Variants in POU2F3 observed in about 807,000 individuals in gnomAD.
POU2F3 encodes POU domain, class 2, transcription factor 3.
Under a neutral mutation model 59.2 loss-of-function variants are expected in POU2F3, and 23 were observed. The observed-to-expected ratio is 0.39, with a 90% CI of 0.28 to 0.55. The LOEUF (loss-of-function observed/expected upper bound fraction) is 0.55, where lower values mean the gene tolerates loss of function less well. POU2F3 is among the 20% of genes least tolerant of loss of function. The pLI is 0.66. For synonymous variants in POU2F3, 190 were observed against 214.6 expected (o/e 0.89, Z 1.00); for missense variants, 473 against 544.5 (o/e 0.87, Z 1.31).
At chr11:120,236,817 A>C, upstream of POU2F3, 9 of 1,119,982 alleles carry the variant, frequency 8.0e-6, no homozygotes, top group Non-Finnish European at 1.0e-5. Context: ...TCAACCCTAT[A>C]CACAGGTGGG....
At chr11:120,280,736 A>T (rs1486061496) in intron 3 of POU2F3, among the ~76,000 whole-genome samples, 1 of 152,146 alleles carries the variant, frequency 6.6e-6, no homozygotes, top group Non-Finnish European at 1.5e-5. Context: ...GTACTTTTCC[A>T]TGTTTCCAAA....
At chr11:120,318,035 TGCATA>T (rs1941832894) in intron 12 of POU2F3, among the ~76,000 whole-genome samples, 1 of 152,184 alleles carries the variant, frequency 6.6e-6, no homozygotes, top group African/African-American at 2.4e-5. Context: ...GGCCAATTGT[TGCATA>T]GCCCGAAACG....
intron 2 of POU2F3, among the ~76,000 whole-genome samples, chr11:120,258,504 C>T (rs1565359617): frequency 6.6e-6 from 1 of 152,208 alleles, no homozygotes; most frequent in East Asian, 1.9e-4. Flanking sequence ...ATGGTGGGTC[C>T]AGAGCAAGGA....
chr11:120,272,366 G>A (rs553661058), intron 3 of POU2F3, among the ~76,000 whole-genome samples: 11 of 152,312 alleles, frequency 7.2e-5, no homozygotes, highest in African/African-American at 2.6e-4. Context: ...CCTGCTCCCT[G>A]TATCCACACA....
chr11:120,307,899 G>T (rs1941543505), intron 9 of POU2F3, among the ~76,000 whole-genome samples: 1 of 152,204 alleles, frequency 6.6e-6, no homozygotes, highest in Non-Finnish European at 1.5e-5. Context: ...ATGGGCTATA[G>T]GGTCCCAGAA....
At chr11:120,316,011 T>C (rs1171078875) in intron 11 of POU2F3, among the ~76,000 whole-genome samples, 1 of 152,122 alleles carries the variant, frequency 6.6e-6, no homozygotes, top group African/African-American at 2.4e-5. Context: ...TAACTGGGAT[T>C]ACAGGCGTGT....
At chr11:120,278,313 A>G (rs753895360) in intron 3 of POU2F3, among the ~76,000 whole-genome samples, 3 of 152,132 alleles carry the variant, frequency 2.0e-5, no homozygotes, top group Non-Finnish European at 4.4e-5. Flanking sequence ...CCTCAGCCCA[A>G]TAAATGCAAA....
chr11:120,253,945 C>T (rs1389946259), intron 2 of POU2F3, among the ~76,000 whole-genome samples: 1 of 152,118 alleles, frequency 6.6e-6, no homozygotes, highest in African/African-American at 2.4e-5. Context: ...CCCAGTCTGT[C>T]CTTTGCTGAC....
In POU2F3 at chr11:120,312,113, A is replaced by T. The variant is rs537190085; in HGVS notation, c.1068+2527A>T. 2.7e-3 allele frequency among the ~76,000 whole-genome samples: 409 copies of T among 152,218 alleles called. 1 individual carries two copies. The highest frequency in any genetic ancestry group is 9.2e-3 in the African/African-American group (382 of 41,540). On this transcript the variant is annotated intron_variant, in intron 10 of 12. Coordinates refer to ENST00000543440, the MANE Select transcript of POU2F3 (RefSeq NM_014352.4). ...CCTGTGAGAAGGCATGGAATTTTTT[A>T]AATTTTTTATTTATTTTTATTTTTT... is the stretch of plus-strand genomic sequence containing the variant.
chr11:120,247,824 GC>G (rs1278249493), intron 2 of POU2F3, among the ~76,000 whole-genome samples: 1 of 152,236 alleles, frequency 6.6e-6, no homozygotes, highest in Non-Finnish European at 1.5e-5. Flanking sequence ...AGGCTGGATT[GC>G]CCTTTTCTGG....
intron 3 of POU2F3, among the ~76,000 whole-genome samples, chr11:120,275,415 C>A (rs987704092): frequency 1.3e-5 from 2 of 152,040 alleles, no homozygotes; most frequent in Non-Finnish European, 2.9e-5. Context: ...GCTCTTTGGG[C>A]CACCAGCTAA....
intron 3 of POU2F3, among the ~76,000 whole-genome samples, chr11:120,272,093 A>C (rs1166360055): frequency 6.6e-6 from 1 of 152,180 alleles, no homozygotes; most frequent in Admixed American, 6.5e-5. Flanking sequence ...AAAACTTGCT[A>C]ACCGCCAGGC....
In POU2F3 at chr11:120,302,381, A is replaced by T. The variant is rs1260664669; in HGVS notation, c.444+13A>T. The T allele has an allele frequency of 1.3e-6, 2 of 1,573,106 alleles. No individual in the cohort carries two copies. Among genetic ancestry groups the T allele is most frequent in the Non-Finnish European group, 1.7e-6 (2 of 1,143,084 alleles). ...ACTGGCATCCCAGGTAAACAACCCCATTCTTCCTGTTTCCTCTAGGAATGT... is the reference window on the plus strand; with the variant it reads ...ACTGGCATCCCAGGTAAACAACCCCTTTCTTCCTGTTTCCTCTAGGAATGT... On this transcript the variant is annotated intron_variant, in intron 6 of 12. Transcript: ENST00000543440.
Position 120,264,278 on chromosome 11 carries a change from G to T in POU2F3, c.98-4932G>T, listed in dbSNP as rs945017674. Reference sequence around the variant, plus strand: ...ACATGCCTGTAGTCCCAGCTACTCTGGAGGCTGAGGTAGGAGGATTGCTTG... The same window carrying T: ...ACATGCCTGTAGTCCCAGCTACTCTTGAGGCTGAGGTAGGAGGATTGCTTG... On this transcript the variant is annotated intron_variant, in intron 2 of 12. Coordinates refer to ENST00000543440, the MANE Select transcript of POU2F3 (RefSeq NM_014352.4). Among the ~76,000 whole-genome samples, 15 of 151,864 alleles carry T rather than the reference G, an allele frequency of 9.9e-5. No homozygotes were observed. In the Middle Eastern group the frequency reaches 0.01, roughly 104 times the overall value.
chr11:120,242,759 G>T (rs552235051), intron 1 of POU2F3, among the ~76,000 whole-genome samples: 2 of 152,274 alleles, frequency 1.3e-5, no homozygotes, highest in African/African-American at 4.8e-5. Context: ...TGGAGCCTTC[G>T]CACCTTGTAC....
At position 120,264,476 on chromosome 11, in the gene POU2F3, G is replaced by A. The variant is rs182249064; in HGVS notation, c.98-4734G>A. Among the ~76,000 whole-genome samples the A allele has an allele frequency of 1.6e-3, 250 of 152,324 alleles. 1 individual carries two copies. The highest frequency in any genetic ancestry group is 2.9e-3 in the Admixed American group (44 of 15,304). On this transcript the variant is annotated intron_variant, in intron 2 of 12. Transcript: ENST00000543440. ...GAGAATGACTTTTAAGTTGGGTCTT[G>A]AAGGGTGAGTATTTTCTAGGTAGAA...
rs551233146 is a variant in POU2F3 at position 120,294,847 on chromosome 11, G to A, written c.133-3418G>A. ...TATTATCTTTCAATTTGATTGGTTA[G>A]GATTGTCTTCTTTTGGGGTTACTAT... On this transcript the variant is annotated intron_variant, in intron 3 of 12. Coordinates refer to ENST00000543440, the MANE Select transcript of POU2F3 (RefSeq NM_014352.4). 7.9e-5 allele frequency among the ~76,000 whole-genome samples: 12 copies of A among 152,182 alleles called. No homozygotes were observed. In the South Asian group the frequency reaches 2.3e-3, roughly 29 times the overall value.
intron 5 of POU2F3, chr11:120,301,485 G>T (rs1941345685): frequency 1.2e-5 from 2 of 162,538 alleles, no homozygotes; most frequent in Admixed American, 1.3e-4. Flanking sequence ...TATGTACATT[G>T]TGACCCAGAA....
chr11:120,271,424 G>A (rs2135200681), intron 3 of POU2F3, among the ~76,000 whole-genome samples: 2 of 152,356 alleles, frequency 1.3e-5, no homozygotes, highest in South Asian at 4.1e-4. Context: ...TGGATTCTCT[G>A]ATCCTGATCC....
Sources: gnomAD v4.1 joint callset for allele counts (sites outside exome capture counted in the v4.1 genomes callset) on GRCh38, gnomAD v4.1.1 for gene constraint, MANE v1.5 for transcripts, NCBI Gene and HGNC (gene_info 2026-07-23, HGNC 2026-07-21) for gene names.